Variants in KCNAB1 observed in about 807,000 individuals in gnomAD.
The protein encoded by KCNAB1 is voltage-gated potassium channel subunit beta-1.
KCNAB1 carries 35 observed loss-of-function variants against 64.6 expected under a neutral mutation model. The observed-to-expected ratio is 0.54, with a 90% CI of 0.41 to 0.72. KCNAB1 has a LOEUF of 0.72. Among genes scored for constraint, KCNAB1 ranks in the 30% least tolerant of loss-of-function variants. The pLI, the probability that KCNAB1 is intolerant of heterozygous loss-of-function variation, is 0.00. For missense variants in KCNAB1, 401 were observed against 512.9 expected (o/e 0.78, Z 2.11); for synonymous variants, 177 against 183.8 (o/e 0.96, Z 0.30).
rs940848308 is a variant in KCNAB1, at chr3:156,226,804, A to G, written c.275+105918A>G. Among the ~76,000 whole-genome samples, 15 of 152,320 alleles carry G rather than the reference A, an allele frequency of 9.8e-5. No homozygotes were observed. In the South Asian group the frequency reaches 2.5e-3, roughly 25 times the overall value. ...AGTTTCAGGAAACACCCCACAGCCA[A>G]GCCCAGCACTCCTCCTCTCTCTTAT... On this transcript the variant is annotated intron_variant, in intron 1 of 13. Coordinates refer to ENST00000490337, the MANE Select transcript of KCNAB1 (RefSeq NM_172160.3).
At chr3:156,480,919 A>G (rs1714751656) in intron 8 of KCNAB1, among the ~76,000 whole-genome samples, 1 of 152,148 alleles carries the variant, frequency 6.6e-6, no homozygotes, top group Non-Finnish European at 1.5e-5. Context: ...ATGACTGAGC[A>G]AGTGTTTGAG....
At chr3:156,253,383 T>C (rs2108468096) in intron 1 of KCNAB1, among the ~76,000 whole-genome samples, 1 of 152,338 alleles carries the variant, frequency 6.6e-6, no homozygotes, top group South Asian at 2.1e-4. Context: ...TGATGAGCCA[T>C]TGGCCATTTC....
intron 11 of KCNAB1, among the ~76,000 whole-genome samples, chr3:156,520,389 T>C (rs1305174529): frequency 6.6e-6 from 1 of 152,120 alleles, no homozygotes; most frequent in East Asian, 1.9e-4. Context: ...GAGACCAGCC[T>C]GGGCAAAATG....
chr3:156,194,958 C>T (rs539266138), intron 1 of KCNAB1, among the ~76,000 whole-genome samples: 17 of 152,066 alleles, frequency 1.1e-4, no homozygotes, highest in African/African-American at 2.9e-4. Context: ...CCAACAGGCC[C>T]GGGTATGTGA....
chr3:156,452,987 G>T lies in KCNAB1; in HGVS notation c.357+51G>T. ...GCTAATGAAAGAAAATGCAGAGAGA[G>T]CTGTATTGCAGGAGTCCTCTTCCTG... is the stretch of plus-strand genomic sequence containing the variant. On this transcript the variant is annotated intron_variant, in intron 3 of 13. Transcript: ENST00000490337. The surrounding 1 kb of genome is among the most constrained non-coding windows in gnomAD (Gnocchi z 4.6). 1 of 1,315,664 alleles carries T rather than the reference G, an allele frequency of 7.6e-7. No homozygotes were observed. The highest frequency in any genetic ancestry group is 1.5e-5 in the African/African-American group (1 of 68,596). The allele number at this position is 1,315,664 out of a possible 1,614,324, so 81.5% of individuals were successfully genotyped here. A position where few individuals can be genotyped will look rare whatever the true frequency, so the allele number is the denominator to read the frequency against.
chr3:156,172,817 G>C (rs908433083), intron 1 of KCNAB1, among the ~76,000 whole-genome samples: 3 of 152,216 alleles, frequency 2.0e-5, no homozygotes, highest in Admixed American at 2.0e-4. Context: ...AATACTCTCT[G>C]AGCTGGGTTT....
At chr3:156,497,623 A>ATCCGGGC (rs2108361157) in intron 8 of KCNAB1, among the ~76,000 whole-genome samples, 1 of 152,346 alleles carries the variant, frequency 6.6e-6, no homozygotes, top group African/African-American at 2.4e-5. Flanking sequence ...AATTTAAAAG[A>ATCCGGGC]TCAGAAATTT....
intron 8 of KCNAB1, among the ~76,000 whole-genome samples, chr3:156,507,643 C>T (rs1385978487): frequency 6.6e-6 from 1 of 152,194 alleles, no homozygotes; most frequent in Non-Finnish European, 1.5e-5. Flanking sequence ...ACCACCACCA[C>T]AAGCTTCTGA....
intron 1 of KCNAB1, among the ~76,000 whole-genome samples, chr3:156,290,438 G>C (rs990991562): frequency 1.1e-4 from 16 of 152,240 alleles, no homozygotes; most frequent in African/African-American, 3.6e-4. Flanking sequence ...AAGTAAATCT[G>C]TGAGAGGGGT....
intron 1 of KCNAB1, among the ~76,000 whole-genome samples, chr3:156,359,878 G>A (rs932738427): frequency 6.6e-6 from 1 of 152,170 alleles, no homozygotes; most frequent in East Asian, 1.9e-4. Flanking sequence ...ATGGTGGTAT[G>A]GTAGAAAAAG....
At position 156,400,228 on chromosome 3, in the gene KCNAB1, G is replaced by T. The variant is rs544615304; in HGVS notation, c.276-21388G>T. Among the ~76,000 whole-genome samples, 65 of 152,320 alleles carry T rather than the reference G, an allele frequency of 4.3e-4. 1 individual carries two copies. In the South Asian group the frequency reaches 0.013, roughly 30 times the overall value. ...CTAAATTGCCTGAGGGTATTTCCGG[G>T]AGTGGTATTCCTTAATTTGCTAAGT... is the stretch of plus-strand genomic sequence containing the variant. On this transcript the variant is annotated intron_variant, in intron 1 of 13. Coordinates refer to ENST00000490337, the MANE Select transcript of KCNAB1 (RefSeq NM_172160.3).
chr3:156,295,934 GC>G (rs1384396998), intron 1 of KCNAB1, among the ~76,000 whole-genome samples: 6 of 152,112 alleles, frequency 3.9e-5, no homozygotes, highest in African/African-American at 1.4e-4. Flanking sequence ...AGTCTACTCT[GC>G]TATCAAACAT....
intron 8 of KCNAB1, among the ~76,000 whole-genome samples, chr3:156,499,567 A>G (rs1716240064): frequency 6.6e-6 from 1 of 152,196 alleles, no homozygotes; most frequent in Non-Finnish European, 1.5e-5. Context: ...AAGAGTTTGC[A>G]TGAAATACAA....
chr3:156,528,636 C>T (rs1357213815), intron 12 of KCNAB1, among the ~76,000 whole-genome samples: 1 of 151,830 alleles, frequency 6.6e-6, no homozygotes, highest in Non-Finnish European at 1.5e-5. Context: ...ATTAGTGAGG[C>T]AAAAAGAAAG....
intron 1 of KCNAB1, among the ~76,000 whole-genome samples, chr3:156,287,893 C>T (rs1195833871): frequency 6.6e-6 from 1 of 151,894 alleles, no homozygotes; most frequent in Non-Finnish European, 1.5e-5. Flanking sequence ...CTTTTAGAGG[C>T]ACCTTCTTCA....
chr3:156,134,396 G>A (rs1049167498), intron 1 of KCNAB1, among the ~76,000 whole-genome samples: 1 of 152,158 alleles, frequency 6.6e-6, no homozygotes, highest in South Asian at 2.1e-4. Context: ...CTTTACTTTA[G>A]GGAGGGATGG....
chr3:156,245,500 G>A (rs1263510519), intron 1 of KCNAB1, among the ~76,000 whole-genome samples: 2 of 151,772 alleles, frequency 1.3e-5, no homozygotes, highest in Non-Finnish European at 2.9e-5. Flanking sequence ...ATTTGTGTGT[G>A]TGCACGCGTA....
chr3:156,118,466 G>T (rs573530516), upstream of KCNAB1: 6 of 278,462 alleles, frequency 2.2e-5, no homozygotes, highest in South Asian at 2.0e-4. Context: ...GTAGTGTGAA[G>T]CTCATCCAGA....
At chr3:156,531,633 TC>T in intron 13 of KCNAB1, 136 bp downstream of exon 13, 1 of 701,320 alleles carries the variant, frequency 1.4e-6, no homozygotes, top group Non-Finnish European at 2.6e-6. Context: ...CAGAACACTT[TC>T]CCAGTACATG....
Sources: gnomAD v4.1 joint callset for allele counts (sites outside exome capture counted in the v4.1 genomes callset) on GRCh38, gnomAD v4.1.1 for gene constraint, Gnocchi (gnomAD v3.1) non-coding constraint, MANE v1.5 for transcripts, NCBI Gene and HGNC (gene_info 2026-07-23, HGNC 2026-07-21) for gene names.